UCK1: variants seen among roughly 807,000 people sequenced by gnomAD.
UCK1 encodes uridine-cytidine kinase 1.
A neutral mutation model predicts 34.0 loss-of-function variants in UCK1; 20 were observed. That is an observed-to-expected ratio of 0.59 (90% CI 0.41 to 0.86). The LOEUF (loss-of-function observed/expected upper bound fraction) is 0.86. UCK1 is among the 40% of genes least tolerant of loss of function. The pLI, the probability that UCK1 is intolerant of heterozygous loss-of-function variation, is 0.00. For missense variants in UCK1, 343 were observed against 383.6 expected, an observed-to-expected ratio of 0.89 and a Z score of 0.88; for synonymous variants, 168 against 155.9, an observed-to-expected ratio of 1.08 and a Z score of -0.58.
At chr9:131,527,154 C>G (rs75087367) in intron 5 of UCK1, among the ~76,000 whole-genome samples, 1 of 126,772 alleles carries the variant, frequency 7.9e-6, no homozygotes, top group Admixed American at 7.9e-5. Flanking sequence ...CCCGTCTGTG[C>G]AAAAAAAAAA....
At chr9:131,526,874 C>G (rs1950626259) in intron 5 of UCK1, among the ~76,000 whole-genome samples, 1 of 152,200 alleles carries the variant, frequency 6.6e-6, no homozygotes, top group Non-Finnish European at 1.5e-5. Context: ...GTCTGACGGG[C>G]TGGAGGAGTC....
At chr9:131,528,200 C>T (rs2131984218) in intron 5 of UCK1, among the ~76,000 whole-genome samples, 1 of 149,796 alleles carries the variant, frequency 6.7e-6, no homozygotes, top group East Asian at 2.0e-4. Flanking sequence ...GCAGATAGAA[C>T]TTACTTGTCC....
chr9:131,528,887 G>A (rs1177203749), intron 5 of UCK1, 57 bp downstream of exon 5: 4 of 1,591,812 alleles, frequency 2.5e-6, no homozygotes, highest in Non-Finnish European at 3.4e-6. Context: ...ACAGTACTGG[G>A]TCCCATGTGT....
At position 131,526,027 on chromosome 9, in the gene UCK1, T is replaced by C; in HGVS notation, c.604-50A>G. ...CCTGTGAGGACTTTTCCTTCAAAGG[T>C]GATTTTAAGATGCTCAGAAACAGAT... On this transcript the variant is annotated intron_variant, in intron 5 of 6. Transcript: ENST00000372215. The C allele has an allele frequency of 1.2e-6, 2 of 1,608,904 alleles. 1 individual carries two copies. Among genetic ancestry groups the C allele is most frequent in the South Asian group, 2.2e-5 (2 of 90,914 alleles).
In UCK1 at chr9:131,529,017, C is replaced by T; in HGVS notation, c.530G>A (p.Gly177Glu). Residue 177 changes from glycine (G) to glutamate (E), a missense_variant, in exon 5 of 7, where the codon GGG becomes GAG. Physicochemically the swap from Gly to Glu is moderately conservative, Grantham distance 98. Coordinates refer to ENST00000372215, the MANE Select transcript of UCK1 (RefSeq NM_031432.5). ...CGTCAGAATCTGCTCCAGGTCCCTC[C>T]CTCGGCGCACGTCCCGGAGAACTGC... ...SRRVLRDVRR[G>E]RDLEQILTQY... 3.1e-6 allele frequency: 5 copies of T among 1,614,118 alleles called. No individual in the cohort carries two copies. Among genetic ancestry groups the T allele is most frequent in the South Asian group, 1.1e-5 (1 of 91,090 alleles).
intron 5 of UCK1, 149 bp from the exon 6 acceptor site, chr9:131,526,126 GTCA>G (rs1950596687): frequency 1.1e-6 from 1 of 903,650 alleles, no homozygotes; most frequent in African/African-American, 1.6e-5. Flanking sequence ...CACAGACTCA[GTCA>G]TCAGCCAGGT....
intron 1 of UCK1, among the ~76,000 whole-genome samples, 197 bp from the exon 2 acceptor site, chr9:131,530,842 G>A (rs1033683057): frequency 6.6e-6 from 1 of 152,198 alleles, no homozygotes; most frequent in Non-Finnish European, 1.5e-5. Context: ...GGGCTCCGAG[G>A]AGCCCGGCCG....
Position 131,525,125 on chromosome 9 carries a change from C to T in UCK1, c.749G>A (p.Arg250Gln), listed in dbSNP as rs374240199. 1.7e-5 allele frequency: 27 copies of T among 1,613,948 alleles called. No individual in the cohort carries two copies. In the Admixed American group the frequency reaches 2.5e-4, roughly 15 times the overall value. Residue 250 changes from arginine (R) to glutamine (Q), a missense_variant, in exon 7 of 7, where the codon CGG (arginine) becomes CAG (glutamine). By Grantham distance (43) the Arg-to-Gln change is conservative (BLOSUM62 1). Coordinates refer to ENST00000372215, the MANE Select transcript of UCK1 (RefSeq NM_031432.5). ...RGGSNGRSYK[R>Q]TFSEPGDHPG... is the part of the protein sequence containing the mutation. Reference sequence around the variant, plus strand: ...GTGGTCCCCTGGCTCAGAAAAGGTCCGCTTGTAGCTCCGCCCATTGGACCC... The same window carrying T: ...GTGGTCCCCTGGCTCAGAAAAGGTCTGCTTGTAGCTCCGCCCATTGGACCC...
At chr9:131,530,775 G>T (rs548706068) in intron 1 of UCK1, 130 bp from the exon 2 acceptor site, 1 of 1,531,446 alleles carries the variant, frequency 6.5e-7, no homozygotes, top group Non-Finnish European at 9.0e-7. Flanking sequence ...ACACCAACAG[G>T]TGTGGATGGT....
chr9:131,525,004 C>A lies in UCK1; in HGVS notation c.*36G>T. On this transcript the variant is annotated 3_prime_UTR_variant, in exon 7 of 7. Transcript: ENST00000372215. The stretch of plus-strand genomic sequence containing the variant: ...CAGGCTCAGTCCCTGAACACACATG[C>A]CGGGCGGGAGACCTGCCCTGAGGCT... 2 of 1,592,764 alleles carry A rather than the reference C, an allele frequency of 1.3e-6. No individual in the cohort carries two copies. Among genetic ancestry groups the A allele is most frequent in the Non-Finnish European group, 1.7e-6 (2 of 1,166,912 alleles).
At position 131,530,472 on chromosome 9, in the gene UCK1, G is replaced by A. The variant is rs1170965882; in HGVS notation, c.268+14C>T. On this transcript the variant is annotated intron_variant, in intron 2 of 6. Coordinates refer to ENST00000372215, the MANE Select transcript of UCK1 (RefSeq NM_031432.5). ...GGGGTCTGCCCTCCCCACATCGTTGGGCTCGCGATTTACCTGGATGGTCAA... is the reference window on the plus strand; with the variant it reads ...GGGGTCTGCCCTCCCCACATCGTTGAGCTCGCGATTTACCTGGATGGTCAA... 6.2e-7 allele frequency: 1 copy of A among 1,613,362 alleles called. No homozygotes were observed. Among genetic ancestry groups the A allele is most frequent in the Admixed American group, 1.7e-5 (1 of 60,030 alleles).
intron 5 of UCK1, among the ~76,000 whole-genome samples, chr9:131,528,173 C>CAAA (rs5900943): frequency 2.7e-5 from 4 of 146,934 alleles, no homozygotes; most frequent in Non-Finnish European, 3.0e-5. Context: ...GACCCTATCT[C>CAAA]AAAAAAAAAA....
Position 131,525,191 on chromosome 9 carries a change from TG to T in UCK1, c.682del (p.Gln228ArgfsTer4). On this transcript the variant is annotated frameshift_variant, in exon 7 of 7. Transcript: ENST00000372215. LOFTEE classifies it high-confidence loss of function. ...GCAGATGTCACCATTCAGAATGTCC[TG>T]GATGTGCTGCACGATCAGGTTGATG... ...VAINLIVQHI[Q>X]DILNGDICKW... 6.2e-7 allele frequency: 1 copy of T among 1,614,116 alleles called. No individual in the cohort carries two copies. Among genetic ancestry groups the T allele is most frequent in the South Asian group, 1.1e-5 (1 of 91,090 alleles).
At position 131,531,061 on chromosome 9, in the gene UCK1, C is replaced by T. The variant is rs961539660; in HGVS notation, c.108+6G>A. The T allele has an allele frequency of 3.6e-6, 5 of 1,391,120 alleles. No homozygotes were observed. In the African/African-American group the frequency reaches 7.6e-5, roughly 21 times the overall value. 86.2% of individuals were successfully genotyped at this position (1,391,120 alleles called of 1,614,324 possible). A position where few individuals can be genotyped will look rare whatever the true frequency, so the allele number is the denominator to read the frequency against. ...AGGCGAGACCCCGGCCCGCTCGGCC[C>T]CTTACCTTCCCGCTGGCAGTGCCGC... On this transcript the variant is annotated splice_donor_region_variant and intron_variant, in intron 1 of 6. Coordinates refer to ENST00000372215, the MANE Select transcript of UCK1 (RefSeq NM_031432.5).
chr9:131,529,046 G>A lies in UCK1; in HGVS notation c.509-8C>T, dbSNP rs1261643949. 16 of 1,613,846 alleles carry A rather than the reference G, an allele frequency of 9.9e-6. No individual in the cohort carries two copies. The highest frequency in any genetic ancestry group is 2.2e-5 in the South Asian group (2 of 91,088). On this transcript the variant is annotated splice_region_variant and splice_polypyrimidine_tract_variant and intron_variant, in intron 4 of 6. Transcript: ENST00000372215. ...GGCGCACGTCCCGGAGAACTGCAGC[G>A]GCAAGGGGCAGGCGTGCTTCAGACC...
intron 1 of UCK1, 70 bp downstream of exon 1, chr9:131,530,997 T>G: frequency 7.9e-7 from 1 of 1,259,886 alleles, no homozygotes; most frequent in Non-Finnish European, 1.0e-6. Flanking sequence ...GGGGCTGGGG[T>G]CTCCTCTCTG....
rs1020271947 is a variant in UCK1 at position 131,524,902 on chromosome 9, CTGAG to C, written c.*134_*137del. The C allele has an allele frequency of 2.7e-5, 28 of 1,039,512 alleles. No individual in the cohort carries two copies. Among genetic ancestry groups the C allele is most frequent in the Middle Eastern group, 2.4e-4 (1 of 4,120 alleles). 64.4% of individuals were successfully genotyped at this position (1,039,512 alleles called of 1,614,324 possible). On this transcript the variant is annotated 3_prime_UTR_variant, in exon 7 of 7. Transcript: ENST00000372215. The stretch of plus-strand genomic sequence containing the variant: ...GAGTGACACATCTGAGTTTCCACTC[CTGAG>C]TGAGGAAGGCCTCGCTGCTAACACT...
chr9:131,524,679 AAAC>A lies in UCK1; in HGVS notation c.*358_*360del, dbSNP rs1950514014. ...TCCCACTGTGGGTTCACTGTCAACA[AAAC>A]ATCAGGCCAGCCAGTGTCTAGGCTG... On this transcript the variant is annotated 3_prime_UTR_variant, in exon 7 of 7. Coordinates refer to ENST00000372215, the MANE Select transcript of UCK1 (RefSeq NM_031432.5). 4.7e-6 allele frequency: 1 copy of A among 211,672 alleles called. No homozygotes were observed. The highest frequency in any genetic ancestry group is 2.3e-5 in the African/African-American group (1 of 43,254). The allele number at this position is 211,672 out of a possible 1,614,324, so 13.1% of individuals were successfully genotyped here. A position where few individuals can be genotyped will look rare whatever the true frequency, so the allele number is the denominator to read the frequency against.
chr9:131,530,732 G>A (rs573516886), intron 1 of UCK1, 87 bp from the exon 2 acceptor site: 50 of 1,610,974 alleles, frequency 3.1e-5, no homozygotes, highest in African/African-American at 2.8e-4. Flanking sequence ...TGACCCACCC[G>A]CCCCCTGGGG....
Sources: gnomAD v4.1 joint callset for allele counts (sites outside exome capture counted in the v4.1 genomes callset) on GRCh38, gnomAD v4.1.1 for gene constraint, MANE v1.5 for transcripts, NCBI Gene and HGNC (gene_info 2026-07-23, HGNC 2026-07-21) for gene names.